LRRN1: variants seen among roughly 807,000 people sequenced by gnomAD.
LRRN1 encodes leucine-rich repeat neuronal protein 1.
Under a neutral mutation model 45.8 loss-of-function variants are expected in LRRN1, and 14 were observed. The ratio of observed to expected loss-of-function variants is 0.31; its 90% CI spans 0.20 to 0.48. LRRN1 has a LOEUF of 0.48. LRRN1 is among the 20% of genes least tolerant of loss of function. LRRN1 has a pLI of 0.99. For missense variants in LRRN1, 789 were observed against 874.2 expected (o/e 0.90, Z 1.23); for synonymous variants, 359 against 330.1 (o/e 1.09, Z -0.95).
chr3:3,836,965 C>G (rs1382221270), intron 1 of LRRN1, among the ~76,000 whole-genome samples: 1 of 152,160 alleles, frequency 6.6e-6, no homozygotes, highest in South Asian at 2.1e-4. Flanking sequence ...CCCCTTTTTT[C>G]TTGGCCCACC....
At chr3:3,838,872 T>C (rs1693583790) in intron 1 of LRRN1, among the ~76,000 whole-genome samples, 1 of 152,138 alleles carries the variant, frequency 6.6e-6, no homozygotes, top group South Asian at 2.1e-4. Flanking sequence ...TAAGGTTATT[T>C]TGTTGTAGGA....
intron 1 of LRRN1, among the ~76,000 whole-genome samples, chr3:3,826,533 C>G (rs185863418): frequency 6.6e-6 from 1 of 152,046 alleles, no homozygotes; most frequent in South Asian, 2.1e-4. Context: ...CTTTTAGGAA[C>G]AGTTCCTTAT....
At chr3:3,815,424 A>G (rs1175749720) in intron 1 of LRRN1, among the ~76,000 whole-genome samples, 1 of 152,096 alleles carries the variant, frequency 6.6e-6, no homozygotes, top group Non-Finnish European at 1.5e-5. Flanking sequence ...ATTCTAATTC[A>G]TTTCTATCAT....
chr3:3,842,344 A>C (rs1047110387), intron 1 of LRRN1, among the ~76,000 whole-genome samples: 5 of 151,838 alleles, frequency 3.3e-5, no homozygotes, highest in African/African-American at 9.7e-5. Context: ...GTATCAGGCA[A>C]CACACTTATA....
Position 3,848,151 on chromosome 3 carries a change from A to G in LRRN1, c.*1359A>G, listed in dbSNP as rs1693815639. Among the ~76,000 whole-genome samples the G allele has an allele frequency of 6.6e-6, 1 of 152,172 alleles. No homozygotes were observed. The highest frequency in any genetic ancestry group is 6.5e-5 in the Admixed American group (1 of 15,274). On this transcript the variant is annotated 3_prime_UTR_variant, in exon 2 of 2. Transcript: ENST00000319331. ...TTTTAACAGTTGTCTATATGCTTAG[A>G]CCCGTGTTAGTCTCTATATCTGTGT...
chr3:3,832,290 G>A (rs1158620811), intron 1 of LRRN1, among the ~76,000 whole-genome samples: 1 of 152,134 alleles, frequency 6.6e-6, no homozygotes, highest in African/African-American at 2.4e-5. Flanking sequence ...CCTTCCATTT[G>A]GCCTTTCTCA....
chr3:3,846,600 CA>C lies in LRRN1; in HGVS notation c.1963del (p.Arg655AspfsTer11). On this transcript the variant is annotated frameshift_variant, in exon 2 of 2. Transcript: ENST00000319331. LOFTEE classifies it high-confidence loss of function. This position sits in a 1 kb window ranked among gnomAD's most constrained non-coding sequence, Gnocchi z 5.7. The stretch of plus-strand genomic sequence containing the variant: ...TTGCGTCCATTGCTGTGTACTTTGC[CA>C]AAAGATTTAAGAGAAAAAACTACCA... ...SLASIAVYFAKRFKRKNYHHS... is the reference protein window; with the variant it reads ...SLASIAVYFAXRFKRKNYHHS... 6.2e-7 allele frequency: 1 copy of C among 1,613,918 alleles called. No individual in the cohort carries two copies. The highest frequency in any genetic ancestry group is 1.1e-5 in the South Asian group (1 of 91,072).
chr3:3,835,828 T>C (rs906040230), intron 1 of LRRN1, among the ~76,000 whole-genome samples: 2 of 152,070 alleles, frequency 1.3e-5, no homozygotes, highest in Non-Finnish European at 2.9e-5. Context: ...TTCAGAATTT[T>C]ATACTCAGAA....
intron 1 of LRRN1, among the ~76,000 whole-genome samples, chr3:3,803,411 G>C (rs1006563795): frequency 6.6e-6 from 1 of 152,132 alleles, no homozygotes; most frequent in African/African-American, 2.4e-5. Flanking sequence ...TACGAGACTT[G>C]CACAATGCTT....
At position 3,848,016 on chromosome 3, in the gene LRRN1, T is replaced by C. The variant is rs943870269; in HGVS notation, c.*1224T>C. 6.6e-6 allele frequency among the ~76,000 whole-genome samples: 1 copy of C among 152,204 alleles called. No homozygotes were observed. The highest frequency in any genetic ancestry group is 2.4e-5 in the African/African-American group (1 of 41,452). ...ATATATGAATATATTGGATATGTCA[T>C]TTCTGTAAGAGTTTTGTTAAAACCT... On this transcript the variant is annotated 3_prime_UTR_variant, in exon 2 of 2. Transcript: ENST00000319331.
chr3:3,837,358 CCAAGTGT>C (rs1693544338), intron 1 of LRRN1, among the ~76,000 whole-genome samples: 2 of 151,982 alleles, frequency 1.3e-5, no homozygotes. Context: ...TAACCCCACA[CCAAGTGT>C]CAAGAGCTTT....
intron 1 of LRRN1, among the ~76,000 whole-genome samples, chr3:3,832,703 A>C (rs1440299349): frequency 6.6e-6 from 1 of 152,194 alleles, no homozygotes; most frequent in Non-Finnish European, 1.5e-5. Context: ...CCTCCCCTTC[A>C]TTCAAGTGGT....
intron 1 of LRRN1, among the ~76,000 whole-genome samples, chr3:3,801,613 A>T (rs1479675036): frequency 6.6e-6 from 1 of 152,212 alleles, no homozygotes; most frequent in African/African-American, 2.4e-5. Context: ...TGAAAAGACA[A>T]GGAGTCTTCA....
rs1575273246 is a variant in LRRN1, at chr3:3,799,445, G to C, written c.-753G>C. On this transcript the variant is annotated 5_prime_UTR_variant, in exon 1 of 2. Coordinates refer to ENST00000319331, the MANE Select transcript of LRRN1 (RefSeq NM_020873.7). The stretch of plus-strand genomic sequence containing the variant: ...CCGGCTGCGGGGAGCACAAAGCGGG[G>C]CGCACCGCGGGCGCCGGCAACGAGC... The C allele has an allele frequency of 6.6e-6, 1 of 151,930 alleles. No individual in the cohort carries two copies. Among genetic ancestry groups the C allele is most frequent in the East Asian group, 1.9e-4 (1 of 5,148 alleles). The allele number at this position is 151,930 out of a possible 1,614,324, so 9.4% of individuals were successfully genotyped here. A position where few individuals can be genotyped will look rare whatever the true frequency, so the allele number is the denominator to read the frequency against.
intron 1 of LRRN1, among the ~76,000 whole-genome samples, chr3:3,834,584 CAT>C (rs1344025220): frequency 1.4e-5 from 1 of 70,790 alleles, no homozygotes; most frequent in African/African-American, 4.5e-5. Flanking sequence ...TATTATATAT[CAT>C]ATTTTATATA....
intron 1 of LRRN1, among the ~76,000 whole-genome samples, chr3:3,833,362 C>A (rs1693410701): frequency 1.3e-5 from 2 of 152,184 alleles, no homozygotes. Flanking sequence ...CTATTAGAAT[C>A]TTTTCAACTT....
chr3:3,839,191 G>GT (rs1443118335), intron 1 of LRRN1, among the ~76,000 whole-genome samples: 2 of 152,100 alleles, frequency 1.3e-5, no homozygotes, highest in Non-Finnish European at 2.9e-5. Context: ...ATGGCATAAG[G>GT]TAAGAGTACA....
chr3:3,811,537 T>G (rs1347597654), intron 1 of LRRN1, among the ~76,000 whole-genome samples: 1 of 152,258 alleles, frequency 6.6e-6, no homozygotes, highest in Non-Finnish European at 1.5e-5. Context: ...TAAAATAATT[T>G]GTACAAAGTT....
rs934565407 is a variant in LRRN1, at chr3:3,845,620, T to C, written c.979T>C (p.Tyr327His). The C allele has an allele frequency of 2.5e-6, 4 of 1,614,056 alleles. No individual in the cohort carries two copies. In the African/African-American group the frequency reaches 4.0e-5, roughly 16 times the overall value. The change falls in exon 2 of 2, where the codon TAC becomes CAC. Residue 327 changes from tyrosine (Y) to histidine (H), a missense_variant. Physicochemically the swap from Tyr to His is moderately conservative, Grantham distance 83. Coordinates refer to ENST00000319331, the MANE Select transcript of LRRN1 (RefSeq NM_020873.7). This position sits in a 1 kb window ranked among gnomAD's most constrained non-coding sequence, Gnocchi z 6.5. ...AGCCACCAATAACCCTAAACTCTCTTACATCCACCGCTTGGCTTTCCGAAG... is the reference window on the plus strand; with the variant it reads ...AGCCACCAATAACCCTAAACTCTCTCACATCCACCGCTTGGCTTTCCGAAG... ...LEATNNPKLS[Y>H]IHRLAFRSVP...
Sources: allele counts gnomAD v4.1 joint callset (sites outside exome capture counted in the v4.1 genomes callset), GRCh38; gene constraint gnomAD v4.1.1; non-coding constraint Gnocchi (gnomAD v3.1); transcripts MANE v1.5; gene names NCBI Gene and HGNC (gene_info 2026-07-23, HGNC 2026-07-21).